Variants in DLGAP2 observed in about 807,000 individuals in gnomAD.
DLGAP2 encodes disks large-associated protein 2.
In DLGAP2, 26 loss-of-function variants were observed where a neutral mutation model predicts 100.3. That is an observed-to-expected ratio of 0.26 (90% CI 0.19 to 0.36). DLGAP2 has a LOEUF of 0.36. Ranked by LOEUF, DLGAP2 falls within the 10% of genes least tolerant of loss-of-function variation. The pLI, the probability that DLGAP2 is intolerant of heterozygous loss-of-function variation, is 1.00. For synonymous variants in DLGAP2, 886 were observed against 630.1 expected (o/e 1.41, Z -6.08); for missense variants, 1,858 against 1,453.2 (o/e 1.28, Z -4.53).
At chr8:842,182 G>A (rs545254186) in intron 1 of DLGAP2, among the ~76,000 whole-genome samples, 11 of 152,178 alleles carry the variant, frequency 7.2e-5, no homozygotes, top group South Asian at 4.2e-4. Context: ...TCCTTAGGTC[G>A]CCATCTCTCT....
intron 1 of DLGAP2, among the ~76,000 whole-genome samples, chr8:835,446 C>T (rs1796855100): frequency 1.3e-5 from 2 of 151,954 alleles, no homozygotes; most frequent in South Asian, 2.1e-4. Flanking sequence ...CCCCACTGTG[C>T]TCCACGCCGC....
chr8:1,092,734 T>C (rs1804226438), intron 2 of DLGAP2, among the ~76,000 whole-genome samples: 1 of 152,180 alleles, frequency 6.6e-6, no homozygotes, highest in Admixed American at 6.5e-5. Flanking sequence ...AGGTCCCGAC[T>C]TGGCCTGGGA....
chr8:904,517 CA>C (rs1214388926), intron 1 of DLGAP2, among the ~76,000 whole-genome samples: 1 of 152,118 alleles, frequency 6.6e-6, no homozygotes, highest in African/African-American at 2.4e-5. Context: ...AAGACTGTCT[CA>C]AAAAAATTAC....
intron 2 of DLGAP2, among the ~76,000 whole-genome samples, chr8:938,806 C>T (rs1210337147): frequency 6.6e-6 from 1 of 152,062 alleles, no homozygotes; most frequent in Non-Finnish European, 1.5e-5. Flanking sequence ...CAGAGGGAAC[C>T]CAGGTCTCGG....
chr8:1,250,755 A>C (rs1799021434), intron 2 of DLGAP2, among the ~76,000 whole-genome samples: 1 of 152,150 alleles, frequency 6.6e-6, no homozygotes, highest in Non-Finnish European at 1.5e-5. Flanking sequence ...CTTGAGTTTG[A>C]ATGCAATTAT....
chr8:1,335,898 C>T (rs959889269), intron 3 of DLGAP2, among the ~76,000 whole-genome samples: 1 of 151,630 alleles, frequency 6.6e-6, no homozygotes, highest in East Asian at 1.9e-4. Flanking sequence ...CGTGGTGACG[C>T]GGGAGGCATC....
intron 2 of DLGAP2, among the ~76,000 whole-genome samples, chr8:1,230,203 A>G (rs947599420): frequency 6.6e-6 from 1 of 152,236 alleles, no homozygotes; most frequent in African/African-American, 2.4e-5. Context: ...AATCAGTAGC[A>G]TTTCTAGAAA....
chr8:1,528,179 C>T (rs1800859380), intron 4 of DLGAP2, among the ~76,000 whole-genome samples: 3 of 152,186 alleles, frequency 2.0e-5, no homozygotes, highest in Admixed American at 1.3e-4. Context: ...TCCTGGGTTA[C>T]TGGGTTCCAC....
intron 2 of DLGAP2, among the ~76,000 whole-genome samples, chr8:1,044,577 C>T (rs1007454376): frequency 2.0e-5 from 3 of 152,218 alleles, no homozygotes; most frequent in Non-Finnish European, 2.9e-5. Flanking sequence ...CAGGACACGA[C>T]GTCTCTCTAG....
At chr8:1,464,233 G>C in intron 3 of DLGAP2, among the ~76,000 whole-genome samples, 1 of 151,812 alleles carries the variant, frequency 6.6e-6, no homozygotes, top group Admixed American at 6.6e-5. Flanking sequence ...TCCCTTCCAG[G>C]ACGACACCCT....
chr8:1,297,221 C>G (rs1297394036), intron 3 of DLGAP2: 1 of 152,166 alleles, frequency 6.6e-6, no homozygotes, highest in Non-Finnish European at 1.5e-5. Context: ...TGAGTTATCC[C>G]CAGTCACCTG....
chr8:927,426 ACAC>A (rs1157006166), intron 2 of DLGAP2, among the ~76,000 whole-genome samples: 1 of 152,188 alleles, frequency 6.6e-6, no homozygotes, highest in Non-Finnish European at 1.5e-5. Flanking sequence ...TACGCGGCAC[ACAC>A]CAAAGGTCTC....
chr8:1,141,161 G>C (rs1229072649), intron 2 of DLGAP2, among the ~76,000 whole-genome samples: 6 of 152,160 alleles, frequency 3.9e-5, no homozygotes, highest in Non-Finnish European at 8.8e-5. Flanking sequence ...GAGGGACTGA[G>C]GGGCTTTTAC....
intron 6 of DLGAP2, among the ~76,000 whole-genome samples, chr8:1,590,046 T>A (rs549409032): frequency 6.6e-6 from 1 of 152,236 alleles, no homozygotes; most frequent in Non-Finnish European, 1.5e-5. Flanking sequence ...TAGGGGAGGA[T>A]CCCTCCTTCC....
intron 2 of DLGAP2, among the ~76,000 whole-genome samples, chr8:959,008 G>A (rs1193867971): frequency 3.3e-5 from 5 of 152,058 alleles, no homozygotes; most frequent in East Asian, 1.9e-4. Flanking sequence ...GTCTTTCCAC[G>A]GATACAATCC....
intron 2 of DLGAP2, among the ~76,000 whole-genome samples, chr8:1,140,044 G>T (rs764732874): frequency 1.3e-5 from 2 of 152,100 alleles, no homozygotes; most frequent in African/African-American, 4.8e-5. Flanking sequence ...AATTTTAAAT[G>T]GTGCTTTTTT....
At chr8:1,210,659 A>G (rs1314709749) in intron 2 of DLGAP2, among the ~76,000 whole-genome samples, 1 of 152,102 alleles carries the variant, frequency 6.6e-6, no homozygotes, top group Admixed American at 6.5e-5. Flanking sequence ...TGCCTTGGGA[A>G]TATTTTAGAA....
chr8:1,074,547 C>G (rs891113258), intron 2 of DLGAP2, among the ~76,000 whole-genome samples: 1 of 152,204 alleles, frequency 6.6e-6, no homozygotes, highest in African/African-American at 2.4e-5. Flanking sequence ...CGAGGCTGCC[C>G]TGGCTCAGGG....
chr8:1,168,072 C>A (rs1797055100), intron 2 of DLGAP2, among the ~76,000 whole-genome samples: 1 of 136,996 alleles, frequency 7.3e-6, no homozygotes, highest in South Asian at 2.7e-4. Context: ...TGATGTTCCC[C>A]TTCCTGTGTC....
Sources: allele counts gnomAD v4.1 joint callset (sites outside exome capture counted in the v4.1 genomes callset), GRCh38; gene constraint gnomAD v4.1.1; transcripts MANE v1.5; gene names NCBI Gene and HGNC (gene_info 2026-07-23, HGNC 2026-07-21).